SH3BP4: variants seen among roughly 807,000 people sequenced by gnomAD.
The protein encoded by SH3BP4 is SH3 domain-binding protein 4.
A neutral mutation model predicts 65.5 loss-of-function variants in SH3BP4; 33 were observed. The observed-to-expected ratio is 0.50, with a 90% CI of 0.38 to 0.67. The LOEUF (loss-of-function observed/expected upper bound fraction) is 0.67, where lower values mean the gene tolerates loss of function less well. SH3BP4 is among the 30% of genes least tolerant of loss of function. The pLI, the probability that SH3BP4 is intolerant of heterozygous loss-of-function variation, is 0.00. For missense variants in SH3BP4, 1,134 were observed against 1,261.4 expected (o/e 0.90, Z 1.53); for synonymous variants, 552 against 545.5 (o/e 1.01, Z -0.17).
chr2:235,036,119 G>C (rs1198048139), intron 3 of SH3BP4, among the ~76,000 whole-genome samples: 2 of 152,218 alleles, frequency 1.3e-5, no homozygotes, highest in African/African-American at 4.8e-5. Flanking sequence ...TATATGCACT[G>C]TGTTTATGTC....
rs1336245716 is a variant in SH3BP4, at chr2:235,041,263, T to C, written c.494T>C (p.Val165Ala). The change falls in exon 4 of 6, where the codon GTC (valine) becomes GCC (alanine). Residue 165 changes from valine (V) to alanine (A), a missense_variant. Coordinates refer to ENST00000392011, the MANE Select transcript of SH3BP4 (RefSeq NM_014521.3). This position sits in a 1 kb window ranked among gnomAD's most constrained non-coding sequence, Gnocchi z 6.0. ...MYSNNPFWNG[V>A]QTNPFLNGNV... is the part of the protein sequence containing the mutation. ...AGTAATAACCCTTTCTGGAATGGGG[T>C]CCAGACCAATCCATTTCTGAATGGG... The C allele has an allele frequency of 1.2e-6, 2 of 1,614,052 alleles. No individual in the cohort carries two copies.
chr2:234,969,860 CTCTG>C (rs1692935424), intron 1 of SH3BP4, among the ~76,000 whole-genome samples: 1 of 152,162 alleles, frequency 6.6e-6, no homozygotes, highest in Non-Finnish European at 1.5e-5. Flanking sequence ...CCCCCTCTTT[CTCTG>C]TCTCTCTCAC....
chr2:234,961,263 G>GT (rs1692701312), intron 1 of SH3BP4, among the ~76,000 whole-genome samples: 1 of 152,060 alleles, frequency 6.6e-6, no homozygotes, highest in South Asian at 2.1e-4. Flanking sequence ...TGTCCCTGTG[G>GT]TTTTTGTTTG....
rs2106339160 is a variant in SH3BP4 at position 235,045,859 on chromosome 2, C to T, written c.2478+2612C>T. On this transcript the variant is annotated intron_variant, in intron 4 of 5. Coordinates refer to ENST00000392011, the MANE Select transcript of SH3BP4 (RefSeq NM_014521.3). This position sits in a 1 kb window ranked among gnomAD's most constrained non-coding sequence, Gnocchi z 4.3. ...GCTTTCGGTGTCCTTGTTCTGATGC[C>T]TTGGGTTGGAAACAGTGTTTAAATG... is the stretch of plus-strand genomic sequence containing the variant. Among the ~76,000 whole-genome samples the T allele has an allele frequency of 6.6e-6, 1 of 152,248 alleles. No individual in the cohort carries two copies. Among genetic ancestry groups the T allele is most frequent in the Non-Finnish European group, 1.5e-5 (1 of 68,024 alleles).
At chr2:234,999,069 T>TGAATAAACC (rs1423638252) in intron 2 of SH3BP4, among the ~76,000 whole-genome samples, 1 of 152,106 alleles carries the variant, frequency 6.6e-6, no homozygotes, top group Non-Finnish European at 1.5e-5. Flanking sequence ...AGGGCCTCAG[T>TGAATAAACC]GAATAAACCG....
intron 2 of SH3BP4, among the ~76,000 whole-genome samples, chr2:234,998,931 G>A (rs915218304): frequency 2.6e-5 from 4 of 152,170 alleles, no homozygotes; most frequent in African/African-American, 9.7e-5. Context: ...CACCTGCCAA[G>A]GCCTGACCTC....
In SH3BP4 at chr2:234,974,009, A is replaced by T. The variant is rs1218565068; in HGVS notation, c.-206-21294A>T. On this transcript the variant is annotated intron_variant, in intron 1 of 5. Transcript: ENST00000392011. The surrounding 1 kb of genome is among the most constrained non-coding windows in gnomAD (Gnocchi z 4.6). Reference sequence around the variant, plus strand: ...GTCTCCAAGTGCTCCGGGTCTAGTAAGTCAACAGGGGAGGCTTTCAGAACT... The same window carrying T: ...GTCTCCAAGTGCTCCGGGTCTAGTATGTCAACAGGGGAGGCTTTCAGAACT... 1.3e-5 allele frequency among the ~76,000 whole-genome samples: 2 copies of T among 152,078 alleles called. No individual in the cohort carries two copies. Among genetic ancestry groups the T allele is most frequent in the Non-Finnish European group, 2.9e-5 (2 of 68,018 alleles).
intron 2 of SH3BP4, among the ~76,000 whole-genome samples, chr2:234,998,232 G>T (rs1693984947): frequency 3.9e-5 from 6 of 152,234 alleles, no homozygotes; most frequent in Admixed American, 3.9e-4. Flanking sequence ...GGGTGCCTGG[G>T]GGGGCACGTG....
intron 3 of SH3BP4, among the ~76,000 whole-genome samples, chr2:235,038,381 A>ATATACATATATATATG (rs1695515536): frequency 2.5e-5 from 1 of 40,426 alleles, no homozygotes; most frequent in African/African-American, 1.3e-4. Context: ...ATATACATAT[A>ATATACATATATATATG]TATATATATA....
Position 235,054,622 on chromosome 2 carries a change from T to G in SH3BP4, c.*806T>G, listed in dbSNP as rs1253573191. 1 of 152,228 alleles carries G rather than the reference T, an allele frequency of 6.6e-6. No homozygotes were observed. The highest frequency in any genetic ancestry group is 1.5e-5 in the Non-Finnish European group (1 of 68,050). 9.4% of individuals were successfully genotyped at this position (152,228 alleles called of 1,614,324 possible). A position where few individuals can be genotyped will look rare whatever the true frequency, so the allele number is the denominator to read the frequency against. On this transcript the variant is annotated 3_prime_UTR_variant, in exon 6 of 6. Transcript: ENST00000392011. ...CCCCTGCCAGTGTGCAATTAGTCAT[T>G]GACAAGAACAATGCCATTTGAGAGT...
At chr2:235,014,627 C>T (rs1694629227) in intron 2 of SH3BP4, among the ~76,000 whole-genome samples, 1 of 152,186 alleles carries the variant, frequency 6.6e-6, no homozygotes, top group African/African-American at 2.4e-5. Flanking sequence ...CTGTCCCATT[C>T]TCCGCTCCTG....
chr2:234,986,361 G>T (rs1014532012), intron 1 of SH3BP4, among the ~76,000 whole-genome samples: 2 of 152,208 alleles, frequency 1.3e-5, no homozygotes, highest in African/African-American at 4.8e-5. Flanking sequence ...CCTCCTAAAG[G>T]TTTATTAGGG....
chr2:235,044,386 C>T (rs1445171045), intron 4 of SH3BP4, among the ~76,000 whole-genome samples: 2 of 152,258 alleles, frequency 1.3e-5, no homozygotes, highest in East Asian at 3.9e-4. Context: ...GAGCTGGGTC[C>T]TGGCGGTTAC....
At chr2:235,024,531 A>AATCAG (rs752478503) in intron 2 of SH3BP4, among the ~76,000 whole-genome samples, 2 of 152,170 alleles carry the variant, frequency 1.3e-5, no homozygotes, top group Non-Finnish European at 2.9e-5. Context: ...CTGTTGGTAG[A>AATCAG]ATCAGGAACA....
In SH3BP4 at chr2:235,045,042, G is replaced by A. The variant is rs936228795; in HGVS notation, c.2478+1795G>A. 6.6e-6 allele frequency among the ~76,000 whole-genome samples: 1 copy of A among 152,148 alleles called. No homozygotes were observed. Among genetic ancestry groups the A allele is most frequent in the South Asian group, 2.1e-4 (1 of 4,826 alleles). ...CACCTGCAGGGAGGGGATGGCCTGC[G>A]TCCCTCCCATCAGCCATCACCCATG... is the stretch of plus-strand genomic sequence containing the variant. On this transcript the variant is annotated intron_variant, in intron 4 of 5. Coordinates refer to ENST00000392011, the MANE Select transcript of SH3BP4 (RefSeq NM_014521.3). This position sits in a 1 kb window ranked among gnomAD's most constrained non-coding sequence, Gnocchi z 4.3.
chr2:234,996,593 G>T (rs1221554076), intron 2 of SH3BP4, among the ~76,000 whole-genome samples: 3 of 152,210 alleles, frequency 2.0e-5, no homozygotes, highest in Non-Finnish European at 4.4e-5. Context: ...CCTTATAAGT[G>T]CAGCCCCTGG....
chr2:234,962,659 C>T (rs1246314513), intron 1 of SH3BP4, among the ~76,000 whole-genome samples: 2 of 152,090 alleles, frequency 1.3e-5, no homozygotes, highest in Non-Finnish European at 2.9e-5. Flanking sequence ...AGCTTCCAAA[C>T]AAAAACAGGC....
Position 235,048,858 on chromosome 2 carries a change from G to T in SH3BP4, c.2479-3704G>T, listed in dbSNP as rs1192004459. On this transcript the variant is annotated intron_variant, in intron 4 of 5. Transcript: ENST00000392011. ...GTGTACTCACTGTAACAAAATTCCAGTTGAAACCAGGGTAGTGCAGCAGTC... is the reference window on the plus strand; with the variant it reads ...GTGTACTCACTGTAACAAAATTCCATTTGAAACCAGGGTAGTGCAGCAGTC... Among the ~76,000 whole-genome samples the T allele has an allele frequency of 3.3e-5, 5 of 152,310 alleles. No homozygotes were observed. In the South Asian group the frequency reaches 6.2e-4, roughly 19 times the overall value.
intron 2 of SH3BP4, among the ~76,000 whole-genome samples, chr2:234,999,907 C>T (rs1366494546): frequency 1.3e-5 from 2 of 152,362 alleles, no homozygotes; most frequent in East Asian, 3.9e-4. Flanking sequence ...GGAGTGGCTG[C>T]CAGTCAATGC....
Sources: gnomAD v4.1 joint callset for allele counts (sites outside exome capture counted in the v4.1 genomes callset) on GRCh38, gnomAD v4.1.1 for gene constraint, Gnocchi (gnomAD v3.1) non-coding constraint, MANE v1.5 for transcripts, NCBI Gene and HGNC (gene_info 2026-07-23, HGNC 2026-07-21) for gene names.